The following COP1 variants were observed in gnomAD, a reference collection of about 807,000 sequenced individuals.
COP1 encodes COP1 E3 ubiquitin ligase.
COP1 carries 24 observed loss-of-function variants against 101.3 expected under a neutral mutation model. That is an observed-to-expected ratio of 0.24 (90% CI 0.17 to 0.33). COP1 has a LOEUF of 0.33. Among genes scored for constraint, COP1 ranks in the 10% least tolerant of loss-of-function variants. The pLI is 1.00. For synonymous variants in COP1, 347 were observed against 341.9 expected (o/e 1.01, Z -0.17); for missense variants, 663 against 906.2 (o/e 0.73, Z 3.45).
At chr1:176,081,051 C>T in intron 11 of COP1, 101 bp downstream of exon 11, 2 of 1,079,310 alleles carry the variant, frequency 1.9e-6, no homozygotes, top group Non-Finnish European at 2.7e-6. Flanking sequence ...CAGGCTACTT[C>T]AGAACCCACG....
chr1:176,163,038 T>TA (rs779309845), intron 4 of COP1, 50 bp from the exon 5 acceptor site: 2 of 1,552,184 alleles, frequency 1.3e-6, no homozygotes, highest in Non-Finnish European at 1.7e-6. Context: ...AAGACTGTTT[T>TA]AGAGACTAAA....
At chr1:176,071,084 T>G (rs547773608) in intron 11 of COP1, among the ~76,000 whole-genome samples, 1 of 152,352 alleles carries the variant, frequency 6.6e-6, no homozygotes, top group South Asian at 2.1e-4. Flanking sequence ...ATATTGAACT[T>G]GTAATCCATA....
At chr1:175,949,723 GAACA>G (rs1649634017) in intron 18 of COP1, among the ~76,000 whole-genome samples, 1 of 152,160 alleles carries the variant, frequency 6.6e-6, no homozygotes, top group African/African-American at 2.4e-5. Flanking sequence ...TTTGCTATGA[GAACA>G]AATAATGACA....
intron 6 of COP1, among the ~76,000 whole-genome samples, chr1:176,140,968 A>C (rs567335959): frequency 1.3e-5 from 2 of 152,308 alleles, no homozygotes; most frequent in East Asian, 1.9e-4. Context: ...AAGAGTAAGT[A>C]AGTCTCAGAA....
chr1:175,999,766 G>C (rs909925897), intron 15 of COP1, among the ~76,000 whole-genome samples: 1 of 151,948 alleles, frequency 6.6e-6, no homozygotes, highest in South Asian at 2.1e-4. Flanking sequence ...ATCCTCACCA[G>C]CATTTGTTTA....
intron 18 of COP1, among the ~76,000 whole-genome samples, chr1:175,960,350 T>C (rs941859834): frequency 6.6e-6 from 1 of 152,178 alleles, no homozygotes; most frequent in South Asian, 2.1e-4. Flanking sequence ...ACAATGCTAA[T>C]AAAACTAAGC....
intron 15 of COP1, among the ~76,000 whole-genome samples, chr1:175,993,320 T>G (rs902374985): frequency 2.0e-5 from 3 of 152,020 alleles, no homozygotes; most frequent in Non-Finnish European, 2.9e-5. Flanking sequence ...AACTGGAAAC[T>G]CTAAAAAGCA....
intron 10 of COP1, among the ~76,000 whole-genome samples, chr1:176,083,272 C>G (rs1000966497): frequency 2.0e-5 from 3 of 152,098 alleles, no homozygotes; most frequent in African/African-American, 7.2e-5. Flanking sequence ...ATTTTGATAT[C>G]AATTCCTAAG....
intron 15 of COP1, among the ~76,000 whole-genome samples, chr1:175,998,072 A>T (rs1252522420): frequency 7.0e-6 from 1 of 142,036 alleles, no homozygotes; most frequent in Non-Finnish European, 1.5e-5. Flanking sequence ...TTAAAAAAAA[A>T]AAAAAAAAAA....
intron 15 of COP1, among the ~76,000 whole-genome samples, chr1:176,019,861 CA>C (rs988111556): frequency 2.7e-5 from 4 of 147,736 alleles, no homozygotes; most frequent in East Asian, 2.0e-4. Context: ...AATCCTGTCT[CA>C]AAAAAAAAAT....
chr1:175,992,374 G>C (rs893073035), intron 15 of COP1, among the ~76,000 whole-genome samples: 1 of 152,252 alleles, frequency 6.6e-6, no homozygotes, highest in African/African-American at 2.4e-5. Flanking sequence ...CATCTCACTA[G>C]GGAGTGCCAG....
intron 11 of COP1, among the ~76,000 whole-genome samples, chr1:176,060,399 G>T (rs61820976): frequency 0.066 from 10,066 of 152,084 alleles, 413 homozygotes; most frequent in Middle Eastern, 0.12. Context: ...AAAATAACAA[G>T]AGCTGAAAAA....
rs114756098 is a variant in COP1 at position 176,087,751 on chromosome 1, C to T, written c.1027-1861G>A. Reference sequence around the variant, plus strand: ...ACCATTTGACTCAGCCACCCCATTACGGGTTATATACCCAAAGGATTATAA... The same window carrying T: ...ACCATTTGACTCAGCCACCCCATTATGGGTTATATACCCAAAGGATTATAA... On this transcript the variant is annotated intron_variant, in intron 9 of 19. Transcript: ENST00000367669. Among the ~76,000 whole-genome samples, 252 of 152,274 alleles carry T rather than the reference C, an allele frequency of 1.7e-3. No homozygotes were observed. In the Middle Eastern group the frequency reaches 0.02, roughly 12 times the overall value.
intron 18 of COP1, among the ~76,000 whole-genome samples, chr1:175,984,631 C>T (rs2148707623): frequency 6.6e-6 from 1 of 152,274 alleles, no homozygotes; most frequent in East Asian, 1.9e-4. Context: ...CCACTGACAG[C>T]TTGCACCGTT....
chr1:175,951,559 T>C (rs1649922990), intron 18 of COP1, among the ~76,000 whole-genome samples: 1 of 151,230 alleles, frequency 6.6e-6, no homozygotes, highest in African/African-American at 2.4e-5. Context: ...AAGATACCAC[T>C]GGACCACAGG....
chr1:175,986,865 T>C (rs1657245015), intron 18 of COP1, 78 bp downstream of exon 18: 1 of 1,156,964 alleles, frequency 8.6e-7, no homozygotes, highest in African/African-American at 1.6e-5. Flanking sequence ...ATTTATATTT[T>C]AAAATTTAAT....
intron 18 of COP1, among the ~76,000 whole-genome samples, chr1:175,979,388 CT>C (rs978793826): frequency 6.6e-6 from 1 of 151,794 alleles, no homozygotes; most frequent in African/African-American, 2.4e-5. Context: ...ATGTGCTTTA[CT>C]TTTCTAGTTT....
intron 9 of COP1, among the ~76,000 whole-genome samples, chr1:176,090,799 G>A (rs569145764): frequency 6.6e-6 from 1 of 152,180 alleles, no homozygotes; most frequent in Non-Finnish European, 1.5e-5. Flanking sequence ...CAGAGACTCA[G>A]AAGAAAAGAC....
chr1:176,049,178 C>CAAA (rs61267982), intron 11 of COP1, among the ~76,000 whole-genome samples: 15 of 118,358 alleles, frequency 1.3e-4, no homozygotes, highest in African/African-American at 4.2e-4. Context: ...GACTCCGTCT[C>CAAA]AAAAAAAAAA....
Sources: allele counts gnomAD v4.1 joint callset (sites outside exome capture counted in the v4.1 genomes callset), GRCh38; gene constraint gnomAD v4.1.1; transcripts MANE v1.5; gene names NCBI Gene and HGNC (gene_info 2026-07-23, HGNC 2026-07-21).